The following GSG1L variants were observed in gnomAD, a reference collection of about 807,000 sequenced individuals.
GSG1L encodes the protein GSG1 like.
A neutral mutation model predicts 42.1 loss-of-function variants in GSG1L; 24 were observed. The ratio of observed to expected loss-of-function variants is 0.57; its 90% CI spans 0.41 to 0.80. The LOEUF (loss-of-function observed/expected upper bound fraction) is 0.80, where lower values mean the gene tolerates loss of function less well. GSG1L is among the 30% of genes least tolerant of loss of function. GSG1L has a pLI of 0.00. For synonymous variants in GSG1L, 215 were observed against 203.5 expected, an observed-to-expected ratio of 1.06 and a Z score of -0.48; for missense variants, 445 against 472.2, an observed-to-expected ratio of 0.94 and a Z score of 0.53.
intron 2 of GSG1L, among the ~76,000 whole-genome samples, chr16:27,961,503 T>G (rs1360708516): frequency 6.6e-6 from 1 of 152,228 alleles, no homozygotes; most frequent in Non-Finnish European, 1.5e-5. Context: ...GAGACCTAAG[T>G]GACTTCATCT....
At chr16:27,823,610 C>T (rs969781187) in intron 5 of GSG1L, among the ~76,000 whole-genome samples, 12 of 152,102 alleles carry the variant, frequency 7.9e-5, no homozygotes, top group African/African-American at 2.7e-4. Flanking sequence ...AGATAGGAAA[C>T]GTGGGGGCGT....
chr16:27,929,437 T>C (rs2084632187), intron 2 of GSG1L, among the ~76,000 whole-genome samples: 1 of 152,146 alleles, frequency 6.6e-6, no homozygotes. Flanking sequence ...GAATCAGCCG[T>C]AGGGCCTCTG....
In GSG1L at chr16:27,878,886, G is replaced by A. The variant is rs114735022; in HGVS notation, c.550+5600C>T. On this transcript the variant is annotated intron_variant, in intron 3 of 6. Coordinates refer to ENST00000447459, the MANE Select transcript of GSG1L (RefSeq NM_001109763.2). ...ACAAGTGGGGATTCACAGCCAAGGA[G>A]CAGGGTGGGGTTCACAGATGAAAAT... Among the ~76,000 whole-genome samples the A allele has an allele frequency of 8.9e-3, 1,357 of 152,350 alleles. 16 individuals carry two copies. The highest frequency in any genetic ancestry group is 0.031 in the African/African-American group (1,299 of 41,582).
Position 27,807,556 on chromosome 16 carries a change from T to G in GSG1L, c.831-2A>C. On this transcript the variant is annotated splice_acceptor_variant, in intron 5 of 6. Coordinates refer to ENST00000447459, the MANE Select transcript of GSG1L (RefSeq NM_001109763.2). LOFTEE classifies it high-confidence loss of function. ...TCGCTCCCGTCCCTCTTCTCCATCC[T>G]GGAAAGAAAAAAAAACAAAAACAAA... is the stretch of plus-strand genomic sequence containing the variant. 1 of 1,609,124 alleles carries G rather than the reference T, an allele frequency of 6.2e-7. No homozygotes were observed.
intron 2 of GSG1L, among the ~76,000 whole-genome samples, chr16:27,897,909 T>G (rs955344036): frequency 1.3e-5 from 2 of 152,254 alleles, no homozygotes; most frequent in Non-Finnish European, 2.9e-5. Flanking sequence ...ATCTAGTTCT[T>G]GGAGCATTCT....
chr16:27,950,331 C>A (rs143580064), intron 2 of GSG1L, among the ~76,000 whole-genome samples: 111 of 152,254 alleles, frequency 7.3e-4, no homozygotes, highest in African/African-American at 2.3e-3. Flanking sequence ...AGTGAGCAGG[C>A]AAGACTGCCC....
intron 1 of GSG1L, among the ~76,000 whole-genome samples, chr16:27,966,107 C>T (rs1422866034): frequency 1.3e-5 from 2 of 152,214 alleles, no homozygotes; most frequent in African/African-American, 2.4e-5. Flanking sequence ...ACTGTTCACT[C>T]GCATACCTGA....
chr16:27,949,842 A>G (rs2084931383), intron 2 of GSG1L, among the ~76,000 whole-genome samples: 1 of 152,162 alleles, frequency 6.6e-6, no homozygotes, highest in African/African-American at 2.4e-5. Context: ...GGCAAATGGC[A>G]TGAACCCGGG....
chr16:27,822,114 G>A (rs967528054), intron 5 of GSG1L, among the ~76,000 whole-genome samples: 2 of 151,928 alleles, frequency 1.3e-5, no homozygotes, highest in South Asian at 2.1e-4. Flanking sequence ...GGCAGGGAGA[G>A]GGGAACCCCA....
intron 2 of GSG1L, among the ~76,000 whole-genome samples, chr16:27,940,087 A>C (rs962994422): frequency 6.6e-6 from 1 of 152,222 alleles, no homozygotes; most frequent in Non-Finnish European, 1.5e-5. Context: ...ATGCAGCCAA[A>C]AAACACATGA....
chr16:27,966,206 T>C (rs1022575481), intron 1 of GSG1L, among the ~76,000 whole-genome samples: 16 of 152,214 alleles, frequency 1.1e-4, no homozygotes, highest in Non-Finnish European at 1.9e-4. Context: ...AAATTCCAAA[T>C]GTCCCTCCCC....
intron 6 of GSG1L, among the ~76,000 whole-genome samples, chr16:27,791,761 C>T (rs564345657): frequency 6.6e-6 from 1 of 152,162 alleles, no homozygotes; most frequent in East Asian, 1.9e-4. Flanking sequence ...CGACTCTGCT[C>T]ACACCCTCTC....
At chr16:28,052,870 C>T (rs778081962) in intron 1 of GSG1L, among the ~76,000 whole-genome samples, 4 of 152,246 alleles carry the variant, frequency 2.6e-5, no homozygotes, top group African/African-American at 9.6e-5. Flanking sequence ...GACAGTGACT[C>T]GTGTCCAAGT....
intron 1 of GSG1L, among the ~76,000 whole-genome samples, chr16:27,980,015 T>C (rs887945990): frequency 6.6e-6 from 1 of 152,062 alleles, no homozygotes; most frequent in Non-Finnish European, 1.5e-5. Flanking sequence ...TAGAGACACA[T>C]GTCACTCCTC....
intron 3 of GSG1L, among the ~76,000 whole-genome samples, chr16:27,870,053 G>A (rs1328798013): frequency 7.6e-6 from 1 of 132,158 alleles, no homozygotes; most frequent in Non-Finnish European, 1.6e-5. Context: ...CTCTCTCTCT[G>A]TCTCTGCCTC....
In GSG1L at chr16:28,063,131, G is replaced by A; in HGVS notation, c.294C>T (p.Phe98=). The change falls in exon 1 of 7, where the codon TTC becomes TTT. Residue 98 remains phenylalanine (F), a synonymous_variant. Coordinates refer to ENST00000447459, the MANE Select transcript of GSG1L (RefSeq NM_001109763.2). This position sits in a 1 kb window ranked among gnomAD's most constrained non-coding sequence, Gnocchi z 5.8. ...ACCAGATGCCGGTGTGGAAATTCCT[G>A]AAGAGGAAGCGGTCGTCGCCGGTCT... is the stretch of plus-strand genomic sequence containing the variant. ...SWETGDDRFL[F]RNFHTGIWYS... 4.2e-6 allele frequency: 6 copies of A among 1,439,612 alleles called. No homozygotes were observed. Among genetic ancestry groups the A allele is most frequent in the Non-Finnish European group, 5.5e-6 (6 of 1,091,064 alleles). 89.2% of individuals were successfully genotyped at this position (1,439,612 alleles called of 1,614,324 possible). A position where few individuals can be genotyped will look rare whatever the true frequency, so the allele number is the denominator to read the frequency against.
intron 2 of GSG1L, among the ~76,000 whole-genome samples, chr16:27,903,218 A>G (rs967690114): frequency 1.6e-4 from 24 of 152,042 alleles, no homozygotes; most frequent in Admixed American, 1.5e-3. Flanking sequence ...GAGCCCGCAG[A>G]AGAGGCTACT....
At chr16:27,912,424 G>T (rs973864856) in intron 2 of GSG1L, among the ~76,000 whole-genome samples, 5 of 152,152 alleles carry the variant, frequency 3.3e-5, no homozygotes, top group Non-Finnish European at 5.9e-5. Flanking sequence ...GGATGAGGTG[G>T]GAGGATCACT....
At chr16:27,945,877 C>A (rs2084854289) in intron 2 of GSG1L, among the ~76,000 whole-genome samples, 1 of 152,236 alleles carries the variant, frequency 6.6e-6, no homozygotes, top group South Asian at 2.1e-4. Flanking sequence ...CAGATGGCTG[C>A]AAATGATGAG....
Sources: gnomAD v4.1 joint callset for allele counts (sites outside exome capture counted in the v4.1 genomes callset) on GRCh38, gnomAD v4.1.1 for gene constraint, Gnocchi (gnomAD v3.1) non-coding constraint, MANE v1.5 for transcripts, NCBI Gene and HGNC (gene_info 2026-07-23, HGNC 2026-07-21) for gene names.